The following ZFAND3 variants were observed in gnomAD, a reference collection of about 807,000 sequenced individuals.
The protein encoded by ZFAND3 is zinc finger AN1-type containing 3, also known as AN1-type zinc finger protein 3.
In ZFAND3, 10 loss-of-function variants were observed where a neutral mutation model predicts 29.6. The observed-to-expected ratio is 0.34, with a 90% CI of 0.21 to 0.57. The LOEUF is 0.57. Ranked by LOEUF, ZFAND3 falls within the 20% of genes least tolerant of loss-of-function variation. ZFAND3 has a pLI of 0.86. For missense variants in ZFAND3, 230 were observed against 304.5 expected, an observed-to-expected ratio of 0.76 and a Z score of 1.82; for synonymous variants, 128 against 112.6, an observed-to-expected ratio of 1.14 and a Z score of -0.87.
chr6:37,943,257 G>C (rs896167978), intron 2 of ZFAND3, among the ~76,000 whole-genome samples: 3 of 152,112 alleles, frequency 2.0e-5, no homozygotes, highest in African/African-American at 7.2e-5. Context: ...TAAATGCCCT[G>C]TACTTCAGAT....
intron 1 of ZFAND3, among the ~76,000 whole-genome samples, chr6:37,845,164 CA>C (rs768449108): frequency 3.6e-4 from 55 of 152,120 alleles, no homozygotes; most frequent in Non-Finnish European, 6.8e-4. Context: ...AACTGGACTC[CA>C]TTTCTCAATG....
In ZFAND3 at chr6:37,953,908, G is replaced by A. The variant is rs952498174; in HGVS notation, c.112+23909G>A. 2.2e-4 allele frequency among the ~76,000 whole-genome samples: 34 copies of A among 152,004 alleles called. 1 individual carries two copies. On this transcript the variant is annotated intron_variant, in intron 2 of 5. Coordinates refer to ENST00000287218, the MANE Select transcript of ZFAND3 (RefSeq NM_021943.3). ...AAGAATTTCTTTTAACATTTCTTTT[G>A]GTAGGGGACTATTGGTGATAAATTC...
intron 1 of ZFAND3, among the ~76,000 whole-genome samples, chr6:37,857,302 T>TGGGG (rs2127382050): frequency 6.6e-6 from 1 of 152,328 alleles, no homozygotes; most frequent in East Asian, 1.9e-4. Context: ...TGAAACACTG[T>TGGGG]GCTAAGGCTC....
intron 2 of ZFAND3, among the ~76,000 whole-genome samples, chr6:38,030,102 A>ATATATATATATATATATT: frequency 1.0e-5 from 1 of 97,280 alleles, no homozygotes; most frequent in African/African-American, 3.9e-5. Context: ...ATATATATAT[A>ATATATATATATATATATT]GCCTGAGAAG....
chr6:38,023,664 G>A (rs1035582891), intron 2 of ZFAND3, among the ~76,000 whole-genome samples: 2 of 152,150 alleles, frequency 1.3e-5, no homozygotes, highest in Non-Finnish European at 2.9e-5. Flanking sequence ...TCAAATGTAA[G>A]AGCAGTTTCA....
intron 1 of ZFAND3, among the ~76,000 whole-genome samples, chr6:37,928,274 T>C (rs1761526876): frequency 6.6e-6 from 1 of 152,200 alleles, no homozygotes. Context: ...TTGCTTTAAT[T>C]GTAAAACATA....
At chr6:38,117,733 G>A (rs980049874) in intron 5 of ZFAND3, among the ~76,000 whole-genome samples, 4 of 152,182 alleles carry the variant, frequency 2.6e-5, no homozygotes, top group African/African-American at 9.6e-5. Context: ...TATCCTACAA[G>A]TACTATTGCT....
At chr6:37,959,761 C>T (rs1762161445) in intron 2 of ZFAND3, among the ~76,000 whole-genome samples, 1 of 152,158 alleles carries the variant, frequency 6.6e-6, no homozygotes, top group South Asian at 2.1e-4. Context: ...TAACTTTCAT[C>T]TTCTAGATCC....
At chr6:37,862,239 T>C (rs1353560241) in intron 1 of ZFAND3, among the ~76,000 whole-genome samples, 1 of 152,118 alleles carries the variant, frequency 6.6e-6, no homozygotes, top group African/African-American at 2.4e-5. Flanking sequence ...TATTGCAAAG[T>C]TCTTGCACTG....
At chr6:38,095,641 G>A (rs571617164) in intron 4 of ZFAND3, among the ~76,000 whole-genome samples, 103 of 152,218 alleles carry the variant, frequency 6.8e-4, no homozygotes, top group African/African-American at 2.4e-3. Context: ...CCCCAAGTTA[G>A]TGCCTAAAAG....
At chr6:38,132,941 C>T (rs1765770768) in intron 5 of ZFAND3, among the ~76,000 whole-genome samples, 1 of 152,224 alleles carries the variant, frequency 6.6e-6, no homozygotes, top group Non-Finnish European at 1.5e-5. Context: ...GTGATGTAAG[C>T]TTTCCAGCAG....
chr6:37,967,274 A>G (rs56106114), intron 2 of ZFAND3, among the ~76,000 whole-genome samples: 10,387 of 152,148 alleles, frequency 0.068, 431 homozygotes, highest in Non-Finnish European at 0.087. Context: ...CTGTACTGTT[A>G]TTGGTTTTGA....
At chr6:38,070,182 T>G (rs1321525980) in intron 3 of ZFAND3, among the ~76,000 whole-genome samples, 5 of 152,194 alleles carry the variant, frequency 3.3e-5, no homozygotes, top group Non-Finnish European at 7.3e-5. Context: ...CCCAGCACTT[T>G]GGGAGGCTGA....
intron 2 of ZFAND3, among the ~76,000 whole-genome samples, chr6:37,960,694 A>T (rs1762179316): frequency 6.6e-6 from 1 of 152,214 alleles, no homozygotes; most frequent in Non-Finnish European, 1.5e-5. Context: ...ATAGAAACAG[A>T]AACTTCTCTC....
At chr6:38,083,657 G>A (rs2127471437) in intron 4 of ZFAND3, among the ~76,000 whole-genome samples, 1 of 152,102 alleles carries the variant, frequency 6.6e-6, no homozygotes, top group African/African-American at 2.4e-5. Context: ...TCCAATCTTG[G>A]CCCTCAGAGA....
intron 4 of ZFAND3, among the ~76,000 whole-genome samples, chr6:38,086,657 A>G (rs1764764217): frequency 6.6e-6 from 1 of 152,196 alleles, no homozygotes; most frequent in Non-Finnish European, 1.5e-5. Context: ...GTCAAGTTAT[A>G]CCTTCAGCTA....
rs1449192634 is a variant in ZFAND3, at chr6:38,153,743, G to A, written c.*1354G>A. On this transcript the variant is annotated 3_prime_UTR_variant, in exon 6 of 6. Coordinates refer to ENST00000287218, the MANE Select transcript of ZFAND3 (RefSeq NM_021943.3). Reference sequence around the variant, plus strand: ...AGTCAGGTGGGGCTGGGGCTGGGTGGACAGGATCAGGATTCCCTTGAAAGC... The same window carrying A: ...AGTCAGGTGGGGCTGGGGCTGGGTGAACAGGATCAGGATTCCCTTGAAAGC... The A allele has an allele frequency of 1.0e-6, 1 of 985,408 alleles. No individual in the cohort carries two copies. The highest frequency in any genetic ancestry group is 1.7e-5 in the African/African-American group (1 of 57,226). The allele number at this position is 985,408 out of a possible 1,614,324, so 61.0% of individuals were successfully genotyped here.
At chr6:38,108,461 G>A (rs1299732966) in intron 4 of ZFAND3, among the ~76,000 whole-genome samples, 2 of 152,174 alleles carry the variant, frequency 1.3e-5, no homozygotes, top group African/African-American at 2.4e-5. Flanking sequence ...GAAGCTGACA[G>A]TACACGCTTT....
intron 1 of ZFAND3, among the ~76,000 whole-genome samples, chr6:37,838,459 T>G (rs1234091680): frequency 6.6e-6 from 1 of 152,222 alleles, no homozygotes; most frequent in African/African-American, 2.4e-5. Flanking sequence ...CATCACTTCA[T>G]AAAGAAATCT....
Sources: allele counts gnomAD v4.1 joint callset (sites outside exome capture counted in the v4.1 genomes callset), GRCh38; gene constraint gnomAD v4.1.1; transcripts MANE v1.5; gene names NCBI Gene and HGNC (gene_info 2026-07-23, HGNC 2026-07-21).